The following MAGI2 variants were observed in gnomAD, a reference collection of about 807,000 sequenced individuals.
The protein encoded by MAGI2 is membrane associated guanylate kinase, WW and PDZ domain containing 2.
Under a neutral mutation model 133.3 loss-of-function variants are expected in MAGI2, and 35 were observed. The observed-to-expected ratio is 0.26, with a 90% CI of 0.20 to 0.35. The LOEUF is 0.35. MAGI2 is among the 10% of genes least tolerant of loss of function. The probability of loss-of-function intolerance (pLI) is 1.00; values close to 1 mark genes in which losing one functional copy is unlikely to be tolerated. For synonymous variants in MAGI2, 729 were observed against 710.6 expected, an observed-to-expected ratio of 1.03 and a Z score of -0.41; for missense variants, 1,636 against 1,863.4, an observed-to-expected ratio of 0.88 and a Z score of 2.25.
intron 2 of MAGI2, among the ~76,000 whole-genome samples, chr7:78,992,226 C>G (rs1252967318): frequency 6.6e-6 from 1 of 151,892 alleles, no homozygotes; most frequent in African/African-American, 2.4e-5. Context: ...ATTCTGTTTA[C>G]CCATCTGTAA....
At chr7:78,908,581 A>C (rs1199914405) in intron 2 of MAGI2, among the ~76,000 whole-genome samples, 1 of 152,230 alleles carries the variant, frequency 6.6e-6, no homozygotes, top group Non-Finnish European at 1.5e-5. Context: ...AGATTAAATA[A>C]GCTCATTTGT....
chr7:79,309,280 T>G (rs952739491), intron 1 of MAGI2, among the ~76,000 whole-genome samples: 1 of 151,858 alleles, frequency 6.6e-6, no homozygotes, highest in Non-Finnish European at 1.5e-5. Flanking sequence ...GCAATACATA[T>G]AGATAAATCT....
chr7:78,677,689 G>A (rs547552751), intron 2 of MAGI2, among the ~76,000 whole-genome samples: 56 of 152,098 alleles, frequency 3.7e-4, no homozygotes, highest in African/African-American at 1.2e-3. Flanking sequence ...GATTTACTGG[G>A]GATTCTTCTA....
chr7:79,093,714 C>CT (rs369075503), intron 1 of MAGI2, among the ~76,000 whole-genome samples: 6,698 of 113,250 alleles, frequency 0.059, 467 homozygotes, highest in African/African-American at 0.18. Flanking sequence ...CTTTTCTTTT[C>CT]TTTTTTTTTT....
chr7:78,881,958 A>C (rs2151545546), intron 2 of MAGI2, among the ~76,000 whole-genome samples: 1 of 151,610 alleles, frequency 6.6e-6, no homozygotes, highest in South Asian at 2.1e-4. Context: ...AACTAAAATC[A>C]GAGCAAAACT....
At chr7:78,886,438 C>A (rs1041213631) in intron 2 of MAGI2, among the ~76,000 whole-genome samples, 2 of 152,082 alleles carry the variant, frequency 1.3e-5, no homozygotes, top group African/African-American at 4.8e-5. Context: ...TTCTTAGAGC[C>A]AATGTGATTG....
intron 6 of MAGI2, among the ~76,000 whole-genome samples, chr7:78,426,264 C>A (rs1027984493): frequency 1.3e-5 from 2 of 152,150 alleles, no homozygotes; most frequent in Non-Finnish European, 1.5e-5. Context: ...CAATAGGAAG[C>A]ATCCTATTTC....
At chr7:78,738,899 T>C (rs766771787) in intron 2 of MAGI2, among the ~76,000 whole-genome samples, 21 of 151,982 alleles carry the variant, frequency 1.4e-4, no homozygotes, top group Admixed American at 5.9e-4. Flanking sequence ...AAAAGAAAAA[T>C]ATAGATACAT....
intron 20 of MAGI2, among the ~76,000 whole-genome samples, chr7:78,091,101 A>G (rs1817163480): frequency 6.6e-6 from 1 of 151,668 alleles, no homozygotes; most frequent in Non-Finnish European, 1.5e-5. Context: ...GAGTGAATGA[A>G]TAAGAGACAG....
intron 2 of MAGI2, among the ~76,000 whole-genome samples, chr7:78,834,070 C>A (rs73702599): frequency 0.087 from 13,234 of 152,096 alleles, 747 homozygotes; most frequent in East Asian, 0.2. Flanking sequence ...GTAATCATAG[C>A]TCATTGCAGC....
intron 9 of MAGI2, among the ~76,000 whole-genome samples, chr7:78,290,039 G>C (rs1796539664): frequency 6.6e-6 from 1 of 152,282 alleles, no homozygotes; most frequent in Non-Finnish European, 1.5e-5. Context: ...TGAAGAAACT[G>C]CATCAACAAA....
intron 1 of MAGI2, among the ~76,000 whole-genome samples, chr7:79,054,333 A>T (rs1259935487): frequency 6.6e-6 from 1 of 152,230 alleles, no homozygotes; most frequent in Non-Finnish European, 1.5e-5. Flanking sequence ...AGTCCTTTCA[A>T]AATATAAATT....
At chr7:78,443,488 G>A (rs540650901) in intron 6 of MAGI2, among the ~76,000 whole-genome samples, 1 of 152,202 alleles carries the variant, frequency 6.6e-6, no homozygotes, top group South Asian at 2.1e-4. Context: ...TTAAAAATGT[G>A]CCTGAAACAT....
chr7:78,060,866 GA>G (rs1297666062), intron 21 of MAGI2, among the ~76,000 whole-genome samples: 1 of 152,126 alleles, frequency 6.6e-6, no homozygotes, highest in Non-Finnish European at 1.5e-5. Flanking sequence ...ATGGCTTGGG[GA>G]TGCACTTAAA....
At chr7:78,283,034 T>C (rs1052590753) in intron 9 of MAGI2, among the ~76,000 whole-genome samples, 1 of 152,114 alleles carries the variant, frequency 6.6e-6, no homozygotes, top group Non-Finnish European at 1.5e-5. Flanking sequence ...ATATTGCTTT[T>C]ATTATTATTT....
intron 10 of MAGI2, among the ~76,000 whole-genome samples, chr7:78,222,162 T>C (rs1408050150): frequency 3.0e-4 from 46 of 152,118 alleles, no homozygotes; most frequent in Admixed American, 3.0e-3. Flanking sequence ...TTCTGTGTCT[T>C]CTTACACAAG....
At chr7:78,686,669 A>T (rs143439649) in intron 2 of MAGI2, among the ~76,000 whole-genome samples, 29 of 152,242 alleles carry the variant, frequency 1.9e-4, no homozygotes, top group African/African-American at 4.1e-4. Context: ...CGAGGCTATG[A>T]TGTTCAAAAT....
chr7:79,251,202 C>T (rs1328565398), intron 1 of MAGI2, among the ~76,000 whole-genome samples: 2 of 152,048 alleles, frequency 1.3e-5, no homozygotes, highest in Non-Finnish European at 2.9e-5. Flanking sequence ...TAGTACCCAA[C>T]AGGCACAGAC....
chr7:78,976,676 TG>T (rs1476694346), intron 2 of MAGI2, among the ~76,000 whole-genome samples: 2 of 148,406 alleles, frequency 1.3e-5, no homozygotes, highest in Non-Finnish European at 3.0e-5. Flanking sequence ...AATTAACATA[TG>T]ACTTTTTTTA....
Sources: gnomAD v4.1 joint callset for allele counts (sites outside exome capture counted in the v4.1 genomes callset) on GRCh38, gnomAD v4.1.1 for gene constraint, MANE v1.5 for transcripts, NCBI Gene and HGNC (gene_info 2026-07-23, HGNC 2026-07-21) for gene names.